The following CNTNAP5 variants were observed in gnomAD, a reference collection of about 807,000 sequenced individuals.
CNTNAP5 encodes the protein contactin associated protein family member 5, also known as contactin-associated protein-like 5.
Under a neutral mutation model 150.2 loss-of-function variants are expected in CNTNAP5, and 72 were observed. That is an observed-to-expected ratio of 0.48 (90% CI 0.40 to 0.58). The LOEUF (loss-of-function observed/expected upper bound fraction) is 0.58. CNTNAP5 is among the 20% of genes least tolerant of loss of function. The pLI is 0.00. For missense variants in CNTNAP5, 1,636 were observed against 1,626.2 expected, an observed-to-expected ratio of 1.01 and a Z score of -0.10; for synonymous variants, 672 against 619.8, an observed-to-expected ratio of 1.08 and a Z score of -1.25.
chr2:124,597,217 G>A (rs891012302), intron 11 of CNTNAP5, among the ~76,000 whole-genome samples: 7 of 149,000 alleles, frequency 4.7e-5, no homozygotes, highest in African/African-American at 7.4e-5. Flanking sequence ...CTCGTTAGTT[G>A]ATGCAGTTTA....
Position 124,247,166 on chromosome 2 carries a change from G to A in CNTNAP5, c.381+4773G>A, listed in dbSNP as rs75764452. ...GATTTATACACATTTATTCTGCCAC[G>A]TTGGGCCTAGAACATCCTGAGTATT... On this transcript the variant is annotated intron_variant, in intron 3 of 23. Coordinates refer to ENST00000682447, the MANE Select transcript of CNTNAP5 (RefSeq NM_001367498.1). 4.5e-4 allele frequency among the ~76,000 whole-genome samples: 69 copies of A among 152,184 alleles called. No homozygotes were observed. In the East Asian group the frequency reaches 0.01, roughly 22 times the overall value.
rs200296383 is a variant in CNTNAP5 at position 124,292,508 on chromosome 2, GCTC to G, written c.381+50118_381+50120del. 2.8e-4 allele frequency among the ~76,000 whole-genome samples: 43 copies of G among 152,102 alleles called. No individual in the cohort carries two copies. In the East Asian group the frequency reaches 6.4e-3, roughly 23 times the overall value. On this transcript the variant is annotated intron_variant, in intron 3 of 23. Transcript: ENST00000682447. ...CTTCTGGGAAGAATATTTTGATAGA[GCTC>G]CTATTTTTAAATAGATAAATTCATA...
At chr2:124,529,810 AC>A (rs953853562) in intron 10 of CNTNAP5, among the ~76,000 whole-genome samples, 12 of 151,866 alleles carry the variant, frequency 7.9e-5, no homozygotes, top group African/African-American at 2.9e-4. Flanking sequence ...TTACTCTGAG[AC>A]CCCTTGCCAG....
At position 124,067,313 on chromosome 2, in the gene CNTNAP5, G is replaced by C. The variant is rs1682185512; in HGVS notation, c.82+41581G>C. On this transcript the variant is annotated intron_variant, in intron 1 of 23. Coordinates refer to ENST00000682447, the MANE Select transcript of CNTNAP5 (RefSeq NM_001367498.1). Reference sequence around the variant, plus strand: ...TACCATGGGTCAGAATCAGGGTGTTGGCAAGAACATGCTTCTTCTGGAGGC... The same window carrying C: ...TACCATGGGTCAGAATCAGGGTGTTCGCAAGAACATGCTTCTTCTGGAGGC... 2.6e-5 allele frequency among the ~76,000 whole-genome samples: 4 copies of C among 152,240 alleles called. 1 individual carries two copies. The South Asian group carries it at 8.3e-4, about 32-fold the overall frequency.
intron 7 of CNTNAP5, among the ~76,000 whole-genome samples, chr2:124,500,695 A>G (rs1348915569): frequency 6.6e-6 from 1 of 152,160 alleles, no homozygotes; most frequent in Non-Finnish European, 1.5e-5. Context: ...TTTTGCCAGA[A>G]AAAACAGACA....
At chr2:124,656,043 A>G (rs1678448744) in intron 13 of CNTNAP5, among the ~76,000 whole-genome samples, 2 of 145,826 alleles carry the variant, frequency 1.4e-5, no homozygotes, top group South Asian at 4.5e-4. Flanking sequence ...CCTTGGTGAC[A>G]GAATAAGACT....
chr2:124,708,796 C>T (rs1238963901), intron 13 of CNTNAP5, among the ~76,000 whole-genome samples: 2 of 152,164 alleles, frequency 1.3e-5, no homozygotes, highest in African/African-American at 4.8e-5. Context: ...TTGCTGAGTT[C>T]TCTAAGCCAG....
At chr2:124,481,608 A>C (rs1440051818) in intron 7 of CNTNAP5, among the ~76,000 whole-genome samples, 1 of 152,164 alleles carries the variant, frequency 6.6e-6, no homozygotes, top group East Asian at 1.9e-4. Flanking sequence ...TCACACTTTA[A>C]ATGTATATTT....
chr2:124,904,570 C>A (rs116162424), intron 22 of CNTNAP5, among the ~76,000 whole-genome samples: 1 of 151,776 alleles, frequency 6.6e-6, no homozygotes, highest in Non-Finnish European at 1.5e-5. Context: ...CAGAAATAAA[C>A]CCAGGCTTAT....
intron 3 of CNTNAP5, among the ~76,000 whole-genome samples, chr2:124,253,543 T>C (rs1173390421): frequency 1.3e-5 from 2 of 152,332 alleles, no homozygotes; most frequent in East Asian, 3.9e-4. Flanking sequence ...GAGACAATTA[T>C]AATTCATTGC....
In CNTNAP5 at chr2:124,391,112, A is replaced by G. The variant is rs140811419; in HGVS notation, c.382-26331A>G. On this transcript the variant is annotated intron_variant, in intron 3 of 23. Transcript: ENST00000682447. Reference sequence around the variant, plus strand: ...AGTCGTTTGAACTCCATGGATCTATATCTTCATCTATGAGATGGGTATAAT... The same window carrying G: ...AGTCGTTTGAACTCCATGGATCTATGTCTTCATCTATGAGATGGGTATAAT... 2.3e-3 allele frequency among the ~76,000 whole-genome samples: 356 copies of G among 152,332 alleles called. 1 individual carries two copies. The highest frequency in any genetic ancestry group is 8.3e-3 in the African/African-American group (343 of 41,566).
At chr2:124,374,148 A>G (rs1477482474) in intron 3 of CNTNAP5, among the ~76,000 whole-genome samples, 1 of 152,120 alleles carries the variant, frequency 6.6e-6, no homozygotes, top group South Asian at 2.1e-4. Flanking sequence ...GATTTTAAGT[A>G]CAAATTAAGT....
intron 1 of CNTNAP5, among the ~76,000 whole-genome samples, chr2:124,084,720 A>AT (rs1253790306): frequency 6.6e-6 from 1 of 151,962 alleles, no homozygotes; most frequent in African/African-American, 2.4e-5. Flanking sequence ...TTCATTAAAT[A>AT]CAAAAAAATA....
At chr2:124,771,150 G>A (rs983726942) in intron 16 of CNTNAP5, among the ~76,000 whole-genome samples, 1 of 152,130 alleles carries the variant, frequency 6.6e-6, no homozygotes, top group South Asian at 2.1e-4. Flanking sequence ...CTCTGAGGTG[G>A]AGTTTGTCTT....
intron 5 of CNTNAP5, among the ~76,000 whole-genome samples, chr2:124,443,739 A>G (rs527330539): frequency 2.0e-5 from 3 of 152,070 alleles, no homozygotes; most frequent in Admixed American, 2.0e-4. Flanking sequence ...CTATTAAAGA[A>G]CTTAGTAGTT....
intron 3 of CNTNAP5, among the ~76,000 whole-genome samples, chr2:124,303,260 G>T (rs1262876247): frequency 1.3e-5 from 2 of 152,140 alleles, no homozygotes; most frequent in Non-Finnish European, 1.5e-5. Flanking sequence ...TACTCAAACA[G>T]GACAGTGTCT....
chr2:124,706,278 T>G (rs1679635759), intron 13 of CNTNAP5, among the ~76,000 whole-genome samples: 1 of 152,342 alleles, frequency 6.6e-6, no homozygotes, highest in Middle Eastern at 3.4e-3. Context: ...ATTTCTGCAG[T>G]GTCAACTCTT....
chr2:124,476,164 T>C (rs898069143), intron 7 of CNTNAP5, among the ~76,000 whole-genome samples: 1 of 152,168 alleles, frequency 6.6e-6, no homozygotes, highest in Non-Finnish European at 1.5e-5. Context: ...TTATCTTCCC[T>C]TATTTATTTT....
rs897749265 is a variant in CNTNAP5, at chr2:124,095,616, A to T, written c.82+69884A>T. Among the ~76,000 whole-genome samples the T allele has an allele frequency of 3.3e-5, 5 of 152,204 alleles. No individual in the cohort carries two copies. The South Asian group carries it at 1.0e-3, about 31-fold the overall frequency. ...ACCCTACTATCCCTCCTTCCACAGG[A>T]AAGTTCCTGAAGCCTGTGTGACACT... On this transcript the variant is annotated intron_variant, in intron 1 of 23. Transcript: ENST00000682447.
Sources: allele counts gnomAD v4.1 joint callset (sites outside exome capture counted in the v4.1 genomes callset), GRCh38; gene constraint gnomAD v4.1.1; transcripts MANE v1.5; gene names NCBI Gene and HGNC (gene_info 2026-07-23, HGNC 2026-07-21).